Variants in LRP6 observed in about 807,000 individuals in gnomAD.
LRP6 encodes LDL receptor related protein 6.
LRP6 carries 43 observed loss-of-function variants against 184.1 expected under a neutral mutation model. The ratio of observed to expected loss-of-function variants is 0.23; its 90% CI spans 0.18 to 0.30. The LOEUF (loss-of-function observed/expected upper bound fraction) is 0.30. Ranked by LOEUF, LRP6 falls within the 10% of genes least tolerant of loss-of-function variation. The pLI is 1.00. For synonymous variants in LRP6, 719 were observed against 684.9 expected (o/e 1.05, Z -0.78); for missense variants, 1,571 against 2,005.3 (o/e 0.78, Z 4.14).
At chr12:12,165,512 C>T (rs1328873295) in intron 7 of LRP6, among the ~76,000 whole-genome samples, 1 of 152,134 alleles carries the variant, frequency 6.6e-6, no homozygotes, top group Non-Finnish European at 1.5e-5. Flanking sequence ...TCTCATATTA[C>T]TCTTCCTTCT....
chr12:12,135,406 T>A lies in LRP6; in HGVS notation c.3608-106A>T, dbSNP rs151040483. 568 of 706,614 alleles carry A rather than the reference T, an allele frequency of 8.0e-4. 4 individuals carry two copies. Among genetic ancestry groups the A allele is most frequent in the African/African-American group, 8.0e-3 (450 of 56,308 alleles). 43.8% of individuals were successfully genotyped at this position (706,614 alleles called of 1,614,324 possible). On this transcript the variant is annotated intron_variant, in intron 16 of 22. Coordinates refer to ENST00000261349, the MANE Select transcript of LRP6 (RefSeq NM_002336.3). Reference sequence around the variant, plus strand: ...ACCCTGTCAAAACTATTTATGAAAATCAAATGTATAATCAGCTTGGACTCT... The same window carrying A: ...ACCCTGTCAAAACTATTTATGAAAAACAAATGTATAATCAGCTTGGACTCT...
At chr12:12,178,745 A>C (rs1863257568) in intron 7 of LRP6, among the ~76,000 whole-genome samples, 1 of 152,202 alleles carries the variant, frequency 6.6e-6, no homozygotes. Context: ...TATGGAGTCT[A>C]TGCAAAATTT....
At position 12,164,680 on chromosome 12, in the gene LRP6, TC is replaced by T. The variant is rs1232293053; in HGVS notation, c.1763-119del. 3 of 922,018 alleles carry T rather than the reference TC, an allele frequency of 3.3e-6. No individual in the cohort carries two copies. The African/African-American group carries it at 5.0e-5, about 15-fold the overall frequency. 57.1% of individuals were successfully genotyped at this position (922,018 alleles called of 1,614,324 possible). A position where few individuals can be genotyped will look rare whatever the true frequency, so the allele number is the denominator to read the frequency against. Reference sequence around the variant, plus strand: ...ACAAATGCCTATGATTATGTCTTGCTCCCAATCTCAAGTTTCAATTCTAATA... The same window carrying T: ...ACAAATGCCTATGATTATGTCTTGCTCCAATCTCAAGTTTCAATTCTAATA... On this transcript the variant is annotated intron_variant, in intron 8 of 22. Transcript: ENST00000261349.
At chr12:12,236,544 T>C (rs1461824239) in intron 2 of LRP6, among the ~76,000 whole-genome samples, 1 of 152,080 alleles carries the variant, frequency 6.6e-6, no homozygotes, top group Admixed American at 6.6e-5. Context: ...ACAAGCCAGT[T>C]CAATTCTGAC....
intron 15 of LRP6, among the ~76,000 whole-genome samples, chr12:12,139,356 T>C (rs2136888497): frequency 6.6e-6 from 1 of 152,266 alleles, no homozygotes; most frequent in South Asian, 2.1e-4. Context: ...ATTGCCTGAG[T>C]CAACATTCAG....
At chr12:12,163,270 C>G (rs1457613508) in intron 9 of LRP6, among the ~76,000 whole-genome samples, 2 of 152,122 alleles carry the variant, frequency 1.3e-5, no homozygotes, top group Admixed American at 1.3e-4. Context: ...AGTCACCGCA[C>G]CCAGCCACCC....
At chr12:12,134,373 A>T (rs1949802574) in intron 17 of LRP6, among the ~76,000 whole-genome samples, 1 of 152,202 alleles carries the variant, frequency 6.6e-6, no homozygotes, top group African/African-American at 2.4e-5. Flanking sequence ...AGTATGATGT[A>T]GTCTTTTTCC....
At chr12:12,260,479 T>C (rs930729758) in intron 1 of LRP6, among the ~76,000 whole-genome samples, 1 of 152,198 alleles carries the variant, frequency 6.6e-6, no homozygotes, top group African/African-American at 2.4e-5. Context: ...TTTATTCCAG[T>C]TGCAGAAGAA....
chr12:12,165,555 T>G (rs1862857830), intron 7 of LRP6, among the ~76,000 whole-genome samples: 1 of 152,242 alleles, frequency 6.6e-6, no homozygotes, highest in Admixed American at 6.5e-5. Context: ...TATGCAACTC[T>G]TCTATTAAAC....
intron 3 of LRP6, 57 bp downstream of exon 3, chr12:12,203,146 T>C (rs1192372326): frequency 8.2e-7 from 1 of 1,221,310 alleles, no homozygotes; most frequent in Non-Finnish European, 1.2e-6. Context: ...GGCTTTGTAA[T>C]GTATCAAGGC....
At chr12:12,229,303 G>A (rs1455977391) in intron 2 of LRP6, among the ~76,000 whole-genome samples, 1 of 151,028 alleles carries the variant, frequency 6.6e-6, no homozygotes, top group African/African-American at 2.4e-5. Flanking sequence ...CCGCAAGGCG[G>A]AGGTTGCTGT....
At chr12:12,155,582 G>A in intron 12 of LRP6, 1 of 745,816 alleles carries the variant, frequency 1.3e-6, no homozygotes, top group Non-Finnish European at 2.4e-6. Context: ...CTTCCTAAAG[G>A]AAGCTATCAG....
In LRP6 at chr12:12,147,451, T is replaced by C. The variant is rs1950025234; in HGVS notation, c.3312A>G (p.Pro1104=). ...GCCTGCTATCAAGGGCTAAAGCAATTGGTTTACTTAAGCCACTGAAAAAGA... is the reference window on the plus strand; with the variant it reads ...GCCTGCTATCAAGGGCTAAAGCAATCGGTTTACTTAAGCCACTGAAAAAGA... ...EVLFFSGLSK[P]IALALDSRLG... Residue 1104 remains proline, a synonymous_variant, in exon 15 of 23, where the codon CCA becomes CCG. Coordinates refer to ENST00000261349, the MANE Select transcript of LRP6 (RefSeq NM_002336.3). 1.2e-6 allele frequency: 2 copies of C among 1,613,958 alleles called. No homozygotes were observed. Among genetic ancestry groups the C allele is most frequent in the Admixed American group, 3.3e-5 (2 of 59,992 alleles).
intron 7 of LRP6, among the ~76,000 whole-genome samples, chr12:12,166,042 G>A (rs1056808999): frequency 2.0e-5 from 3 of 151,958 alleles, no homozygotes; most frequent in African/African-American, 7.3e-5. Context: ...GACTTACTTG[G>A]GATACCTTTA....
chr12:12,155,738 T>C, intron 12 of LRP6: 1 of 1,031,662 alleles, frequency 9.7e-7, no homozygotes. Flanking sequence ...GAGCCTGAGC[T>C]GCTGGAACCT....
At position 12,149,901 on chromosome 12, in the gene LRP6, T is replaced by C. The variant is rs114789627; in HGVS notation, c.2995-748A>G. 3.5e-3 allele frequency among the ~76,000 whole-genome samples: 533 copies of C among 152,292 alleles called. 3 individuals are homozygous for C. Among genetic ancestry groups the C allele is most frequent in the African/African-American group, 0.012 (491 of 41,550 alleles). On this transcript the variant is annotated intron_variant, in intron 13 of 22. Coordinates refer to ENST00000261349, the MANE Select transcript of LRP6 (RefSeq NM_002336.3). Reference sequence around the variant, plus strand: ...AACATATTCCTTAATTTCTATCTATTAGTTATCAGCCCATCAGTCCTGGCC... The same window carrying C: ...AACATATTCCTTAATTTCTATCTATCAGTTATCAGCCCATCAGTCCTGGCC...
chr12:12,185,921 C>T (rs1863460162), intron 4 of LRP6, among the ~76,000 whole-genome samples: 1 of 150,692 alleles, frequency 6.6e-6, no homozygotes, highest in East Asian at 2.0e-4. Flanking sequence ...TCTTGGCTCA[C>T]TGCAACCTCT....
chr12:12,220,132 G>A (rs1362765167), intron 2 of LRP6, among the ~76,000 whole-genome samples: 1 of 151,892 alleles, frequency 6.6e-6, no homozygotes, highest in Non-Finnish European at 1.5e-5. Context: ...TACTAAAAAT[G>A]CAAAAATTAA....
At chr12:12,204,862 G>A (rs1375394090) in intron 2 of LRP6, among the ~76,000 whole-genome samples, 2 of 151,572 alleles carry the variant, frequency 1.3e-5, no homozygotes, top group Admixed American at 1.3e-4. Context: ...AGCTACTCGG[G>A]AGGCTGAGGC....
Sources: allele counts gnomAD v4.1 joint callset (sites outside exome capture counted in the v4.1 genomes callset), GRCh38; gene constraint gnomAD v4.1.1; transcripts MANE v1.5; gene names NCBI Gene and HGNC (gene_info 2026-07-23, HGNC 2026-07-21).